The following RAPGEF6 variants were observed in gnomAD, a reference collection of about 807,000 sequenced individuals.
RAPGEF6 encodes the protein PDZ domain containing guanine nucleotide exchange factor (GEF) 2.
In RAPGEF6, 56 loss-of-function variants were observed where a neutral mutation model predicts 171.4. That is an observed-to-expected ratio of 0.33 (90% CI 0.26 to 0.41). RAPGEF6 has a LOEUF of 0.41. Among genes scored for constraint, RAPGEF6 ranks in the 10% least tolerant of loss-of-function variants. The pLI, the probability that RAPGEF6 is intolerant of heterozygous loss-of-function variation, is 1.00. For synonymous variants in RAPGEF6, 692 were observed against 650.1 expected (o/e 1.06, Z -0.98); for missense variants, 1,674 against 1,921.4 (o/e 0.87, Z 2.41).
intron 4 of RAPGEF6, among the ~76,000 whole-genome samples, chr5:131,589,892 C>G (rs1039713625): frequency 5.3e-5 from 8 of 152,140 alleles, no homozygotes; most frequent in African/African-American, 1.9e-4. Flanking sequence ...AACTGTGGAC[C>G]AGCTCTGTCC....
At chr5:131,583,142 AAACT>A (rs1392065523) in intron 4 of RAPGEF6, among the ~76,000 whole-genome samples, 1 of 152,184 alleles carries the variant, frequency 6.6e-6, no homozygotes, top group Admixed American at 6.5e-5. Flanking sequence ...ACATCCATAT[AAACT>A]AACAATAAAA....
chr5:131,443,672 T>C (rs546799138), intron 22 of RAPGEF6, among the ~76,000 whole-genome samples: 1 of 152,314 alleles, frequency 6.6e-6, no homozygotes, highest in East Asian at 1.9e-4. Flanking sequence ...GCCTGCTCCC[T>C]TGACTTGACT....
chr5:131,468,331 C>CA (rs397760383), intron 17 of RAPGEF6, among the ~76,000 whole-genome samples: 3,624 of 44,372 alleles, frequency 0.082, 145 homozygotes, highest in African/African-American at 0.13. Context: ...GACTCCATCT[C>CA]AAAAAAAAAA....
chr5:131,429,764 T>C (rs1375891046), intron 26 of RAPGEF6, among the ~76,000 whole-genome samples: 1 of 152,112 alleles, frequency 6.6e-6, no homozygotes, highest in Non-Finnish European at 1.5e-5. Context: ...TTCAAGAACT[T>C]TACTTCTGGC....
At chr5:131,623,964 C>T (rs1306064887) in intron 1 of RAPGEF6, among the ~76,000 whole-genome samples, 2 of 151,914 alleles carry the variant, frequency 1.3e-5, no homozygotes, top group Non-Finnish European at 2.9e-5. Context: ...TGGAAGAAGG[C>T]GCAAAGTATC....
At chr5:131,501,905 T>C (rs1757050549) in intron 11 of RAPGEF6, among the ~76,000 whole-genome samples, 2 of 152,216 alleles carry the variant, frequency 1.3e-5, no homozygotes, top group African/African-American at 2.4e-5. Flanking sequence ...TACATACATA[T>C]ATTTCCTAGC....
chr5:131,451,167 A>G (rs926174938), intron 21 of RAPGEF6, among the ~76,000 whole-genome samples: 7 of 152,204 alleles, frequency 4.6e-5, no homozygotes, highest in African/African-American at 1.4e-4. Context: ...CATTACATGT[A>G]GTGATTTTCA....
chr5:131,554,355 A>G (rs2149957412), intron 5 of RAPGEF6, among the ~76,000 whole-genome samples: 1 of 152,346 alleles, frequency 6.6e-6, no homozygotes, highest in Admixed American at 6.5e-5. Context: ...GGTCTCATAT[A>G]TAAGAAAGAA....
chr5:131,585,313 C>CT (rs1255281588), intron 4 of RAPGEF6, among the ~76,000 whole-genome samples: 3 of 150,312 alleles, frequency 2.0e-5, no homozygotes, highest in African/African-American at 7.4e-5. Flanking sequence ...TACATACATA[C>CT]ATACATACAT....
chr5:131,632,381 T>A (rs996658511), intron 1 of RAPGEF6, among the ~76,000 whole-genome samples: 3 of 152,178 alleles, frequency 2.0e-5, no homozygotes, highest in Admixed American at 6.5e-5. Context: ...ATCACATGCA[T>A]CAAGTCTTTG....
intron 24 of RAPGEF6, among the ~76,000 whole-genome samples, chr5:131,436,591 C>G (rs951329574): frequency 1.3e-5 from 2 of 150,134 alleles, no homozygotes; most frequent in Non-Finnish European, 2.9e-5. Flanking sequence ...AGAAAGATTA[C>G]CTTTATCAGC....
chr5:131,478,098 A>G (rs999455092), intron 16 of RAPGEF6, among the ~76,000 whole-genome samples: 7 of 152,156 alleles, frequency 4.6e-5, no homozygotes, highest in Admixed American at 1.3e-4. Flanking sequence ...CACCTCAAGG[A>G]TAGAATGAGT....
At chr5:131,581,239 T>G (rs866661200) in intron 4 of RAPGEF6, among the ~76,000 whole-genome samples, 4 of 152,218 alleles carry the variant, frequency 2.6e-5, no homozygotes, top group African/African-American at 9.6e-5. Flanking sequence ...TTGTTTTTAC[T>G]TAAATTAATC....
At chr5:131,526,793 A>G (rs1313299567) in intron 6 of RAPGEF6, among the ~76,000 whole-genome samples, 3 of 152,128 alleles carry the variant, frequency 2.0e-5, no homozygotes, top group Admixed American at 6.5e-5. Flanking sequence ...TCCATTTCCT[A>G]TATCTGAACT....
rs568826142 is a variant in RAPGEF6 at position 131,576,761 on chromosome 5, C to G, written c.282-14714G>C. On this transcript the variant is annotated intron_variant, in intron 4 of 27. Transcript: ENST00000509018. ...TACTCAAGGCAAATGGTTCTTGGAT[C>G]AAGGAAAATTCCTCCTTCCTGCCTC... Among the ~76,000 whole-genome samples the G allele has an allele frequency of 4.9e-4, 75 of 152,290 alleles. 1 individual carries two copies. The South Asian group carries it at 0.016, about 32-fold the overall frequency.
chr5:131,490,079 T>C (rs1039457331), intron 14 of RAPGEF6, among the ~76,000 whole-genome samples: 4 of 152,188 alleles, frequency 2.6e-5, no homozygotes, highest in East Asian at 1.9e-4. Context: ...TAAATATATT[T>C]AATATGATTT....
intron 9 of RAPGEF6, among the ~76,000 whole-genome samples, chr5:131,507,362 G>A: frequency 6.6e-6 from 1 of 151,882 alleles, no homozygotes; most frequent in East Asian, 1.9e-4. Context: ...AATACTTGGA[G>A]GACCATGTTA....
intron 5 of RAPGEF6, among the ~76,000 whole-genome samples, chr5:131,553,414 TAAAAC>T (rs1361740086): frequency 1.3e-5 from 2 of 151,304 alleles, no homozygotes; most frequent in African/African-American, 4.9e-5. Context: ...AAAGGAAAGG[TAAAAC>T]AAAACAAAAA....
intron 17 of RAPGEF6, among the ~76,000 whole-genome samples, chr5:131,466,128 G>T (rs559813604): frequency 2.0e-5 from 3 of 151,310 alleles, no homozygotes; most frequent in African/African-American, 7.3e-5. Context: ...TTGCTCTGAG[G>T]ACTGAAAGAT....
Sources: allele counts gnomAD v4.1 joint callset (sites outside exome capture counted in the v4.1 genomes callset), GRCh38; gene constraint gnomAD v4.1.1; transcripts MANE v1.5; gene names NCBI Gene and HGNC (gene_info 2026-07-23, HGNC 2026-07-21).